CACNA1B: variants seen among roughly 807,000 people sequenced by gnomAD.
The protein encoded by CACNA1B is voltage-dependent N-type calcium channel subunit alpha-1B.
CACNA1B carries 70 observed loss-of-function variants against 247.2 expected under a neutral mutation model. The observed-to-expected ratio is 0.28, with a 90% CI of 0.23 to 0.35. The LOEUF (loss-of-function observed/expected upper bound fraction) is 0.35, where lower values mean the gene tolerates loss of function less well. CACNA1B is among the 10% of genes least tolerant of loss of function. The pLI is 1.00. For missense variants in CACNA1B, 2,367 were observed against 3,197.4 expected, an observed-to-expected ratio of 0.74 and a Z score of 6.26; for synonymous variants, 1,231 against 1,294.4, an observed-to-expected ratio of 0.95 and a Z score of 1.05.
chr9:137,904,420 G>A (rs1365857977), intron 3 of CACNA1B, among the ~76,000 whole-genome samples: 2 of 140,548 alleles, frequency 1.4e-5, no homozygotes, highest in African/African-American at 5.4e-5. Flanking sequence ...AGGCTGGAGT[G>A]CAGTGGTGTG....
At chr9:137,879,918 G>T (rs1183630222) in intron 2 of CACNA1B, among the ~76,000 whole-genome samples, 1 of 152,160 alleles carries the variant, frequency 6.6e-6, no homozygotes, top group Non-Finnish European at 1.5e-5. Flanking sequence ...CCTGATGCCT[G>T]GCCCCATGTC....
chr9:138,043,567 C>T (rs755927814), intron 20 of CACNA1B, among the ~76,000 whole-genome samples: 6 of 152,106 alleles, frequency 3.9e-5, no homozygotes, highest in South Asian at 2.1e-4. Flanking sequence ...AGGAAGGGTC[C>T]GTTAGCGTCT....
intron 11 of CACNA1B, among the ~76,000 whole-genome samples, chr9:137,972,332 C>T (rs1371453221): frequency 1.3e-5 from 2 of 152,312 alleles, no homozygotes; most frequent in South Asian, 2.1e-4. Flanking sequence ...GCCCTCCTGA[C>T]CCCAGGGGTC....
intron 31 of CACNA1B, among the ~76,000 whole-genome samples, chr9:138,069,257 G>A (rs1221354019): frequency 6.6e-6 from 1 of 152,214 alleles, no homozygotes; most frequent in African/African-American, 2.4e-5. Flanking sequence ...AAATATGAGT[G>A]TCAGTTCCCA....
chr9:138,022,096 T>C (rs1037405286), intron 18 of CACNA1B, among the ~76,000 whole-genome samples: 5 of 152,130 alleles, frequency 3.3e-5, no homozygotes, highest in African/African-American at 1.2e-4. Flanking sequence ...CTTGGGCCCA[T>C]GACATTGGAG....
intron 1 of CACNA1B, 21 bp downstream of exon 1, chr9:137,878,238 G>T: frequency 8.1e-7 from 1 of 1,231,584 alleles, no homozygotes; most frequent in Non-Finnish European, 1.0e-6. Context: ...GGGCGGGGCC[G>T]GGCGGGGCCG....
At chr9:138,080,405 G>A (rs1564276971) in intron 36 of CACNA1B, among the ~76,000 whole-genome samples, 1 of 152,172 alleles carries the variant, frequency 6.6e-6, no homozygotes, top group African/African-American at 2.4e-5. Flanking sequence ...GGGAGGCAGT[G>A]AGTGATGCCA....
intron 20 of CACNA1B, among the ~76,000 whole-genome samples, chr9:138,028,757 C>G (rs1385457490): frequency 6.6e-6 from 1 of 152,192 alleles, no homozygotes; most frequent in Non-Finnish European, 1.5e-5. Flanking sequence ...AGGATTCAGA[C>G]TTGCTTGGTC....
chr9:138,051,786 C>T lies in CACNA1B; in HGVS notation c.3711-306C>T, dbSNP rs769231672. Among the ~76,000 whole-genome samples the T allele has an allele frequency of 1.6e-4, 24 of 152,152 alleles. No individual in the cohort carries two copies. Among genetic ancestry groups the T allele is most frequent in the Admixed American group, 3.9e-4 (6 of 15,282 alleles). ...CAGTCCTCGTGCGGGTCTCTTCTGTCCTCTTAATCCTGGAATCTGGGGTGG... is the reference window on the plus strand; with the variant it reads ...CAGTCCTCGTGCGGGTCTCTTCTGTTCTCTTAATCCTGGAATCTGGGGTGG... On this transcript the variant is annotated intron_variant, in intron 24 of 46. Coordinates refer to ENST00000371372, the MANE Select transcript of CACNA1B (RefSeq NM_000718.4). The surrounding 1 kb of genome is among the most constrained non-coding windows in gnomAD (Gnocchi z 4.3).
At chr9:137,994,753 G>A (rs766826934) in intron 15 of CACNA1B, among the ~76,000 whole-genome samples, 1 of 152,180 alleles carries the variant, frequency 6.6e-6, no homozygotes, top group Non-Finnish European at 1.5e-5. Flanking sequence ...TCATGTATGG[G>A]TAGAATCAAT....
At chr9:137,889,061 A>T (rs1440878889) in intron 3 of CACNA1B, among the ~76,000 whole-genome samples, 25 of 150,496 alleles carry the variant, frequency 1.7e-4, no homozygotes, top group African/African-American at 5.5e-4. Flanking sequence ...CCGCAAGGCG[A>T]CCTGACGCTG....
Position 137,899,758 on chromosome 9 carries a change from G to A in CACNA1B, c.531-13422G>A, listed in dbSNP as rs1204883418. Among the ~76,000 whole-genome samples the A allele has an allele frequency of 6.6e-6, 1 of 152,202 alleles. No individual in the cohort carries two copies. The highest frequency in any genetic ancestry group is 2.4e-5 in the African/African-American group (1 of 41,448). ...CCTCCCCTGCCAGCTTGGCTCCCATGTAGAACCAGCCTGAGAGTAGTAAGC... is the reference window on the plus strand; with the variant it reads ...CCTCCCCTGCCAGCTTGGCTCCCATATAGAACCAGCCTGAGAGTAGTAAGC... On this transcript the variant is annotated intron_variant, in intron 3 of 46. Transcript: ENST00000371372. This position sits in a 1 kb window ranked among gnomAD's most constrained non-coding sequence, Gnocchi z 5.0.
At chr9:138,116,534 C>A (rs1026803428) in intron 42 of CACNA1B, among the ~76,000 whole-genome samples, 4 of 152,200 alleles carry the variant, frequency 2.6e-5, no homozygotes, top group African/African-American at 9.6e-5. Context: ...CTGATTCTGA[C>A]TGTATGTGCA....
rs1215853957 is a variant in CACNA1B at position 137,957,287 on chromosome 9, C to T, written c.1244-311C>T. The stretch of plus-strand genomic sequence containing the variant: ...CGGCTCTGAGCAGGTCTATGCTGTC[C>T]CTGTTGTAGTCCTGGCCTTGCCCCA... On this transcript the variant is annotated intron_variant, in intron 9 of 46. Transcript: ENST00000371372. This position sits in a 1 kb window ranked among gnomAD's most constrained non-coding sequence, Gnocchi z 4.7. 6.6e-6 allele frequency among the ~76,000 whole-genome samples: 1 copy of T among 152,242 alleles called. No homozygotes were observed. Among genetic ancestry groups the T allele is most frequent in the Non-Finnish European group, 1.5e-5 (1 of 68,046 alleles).
intron 3 of CACNA1B, among the ~76,000 whole-genome samples, chr9:137,894,798 G>GT (rs1415022626): frequency 1.3e-5 from 2 of 152,050 alleles, no homozygotes; most frequent in Non-Finnish European, 2.9e-5. Context: ...TTGATATGTG[G>GT]TTTTTCAGAT....
chr9:138,047,269 C>T (rs1458816472), intron 22 of CACNA1B, 130 bp from the exon 23 acceptor site: 22 of 774,684 alleles, frequency 2.8e-5, no homozygotes, highest in Non-Finnish European at 4.1e-5. Flanking sequence ...TTCCCAGAAC[C>T]GTTTTCCACA....
Position 138,121,433 on chromosome 9 carries a change from TTTA to T in CACNA1B, c.6490-35_6490-33del. Reference sequence around the variant, plus strand: ...TTGGTTCGGCTTTTTTTTTTTTTTTTTTACCTCTGATTTGTTCTGGTCCATTTT... The same window carrying T: ...TTGGTTCGGCTTTTTTTTTTTTTTTTCCTCTGATTTGTTCTGGTCCATTTT... On this transcript the variant is annotated intron_variant, in intron 46 of 46. Transcript: ENST00000371372. This position sits in a 1 kb window ranked among gnomAD's most constrained non-coding sequence, Gnocchi z 6.8. 5.7e-6 allele frequency: 8 copies of T among 1,399,304 alleles called. No individual in the cohort carries two copies. Among genetic ancestry groups the T allele is most frequent in the South Asian group, 1.6e-5 (1 of 63,410 alleles). 86.7% of individuals were successfully genotyped at this position (1,399,304 alleles called of 1,614,324 possible).
Position 138,047,420 on chromosome 9 carries a change from A to G in CACNA1B, c.3565A>G (p.Ile1189Val), listed in dbSNP as rs1418060845. 6.2e-7 allele frequency: 1 copy of G among 1,612,124 alleles called. No individual in the cohort carries two copies. Among genetic ancestry groups the G allele is most frequent in the South Asian group, 1.1e-5 (1 of 91,040 alleles). ...TCAGGCTCTGAAATACCTGGATTAC[A>G]TTTTCACTGGTGTCTTTACCTTTGA... ...RNNALKYLDY[I>V]FTGVFTFEMV... Residue 1189 changes from isoleucine (I) to valine (V), a missense_variant, in exon 23 of 47, where the codon ATT becomes GTT. Transcript: ENST00000371372.
At chr9:138,075,748 C>A in intron 34 of CACNA1B, 71 bp from the exon 35 acceptor site, 1 of 995,498 alleles carries the variant, frequency 1.0e-6, no homozygotes, top group Non-Finnish European at 1.6e-6. Flanking sequence ...CACGCCCTCT[C>A]TGGCTCGGTC....
Sources: allele counts gnomAD v4.1 joint callset (sites outside exome capture counted in the v4.1 genomes callset), GRCh38; gene constraint gnomAD v4.1.1; non-coding constraint Gnocchi (gnomAD v3.1); transcripts MANE v1.5; gene names NCBI Gene and HGNC (gene_info 2026-07-23, HGNC 2026-07-21).